ACTG2: variants seen among roughly 807,000 people sequenced by gnomAD.
ACTG2 encodes actin gamma 2, smooth muscle.
A neutral mutation model predicts 37.6 loss-of-function variants in ACTG2; 16 were observed. That is an observed-to-expected ratio of 0.43 (90% CI 0.29 to 0.65). ACTG2 has a LOEUF of 0.65. ACTG2 is among the 30% of genes least tolerant of loss of function. ACTG2 has a pLI of 0.18. For missense variants in ACTG2, 238 were observed against 490.9 expected (o/e 0.48, Z 4.87); for synonymous variants, 181 against 179.9 (o/e 1.01, Z -0.05).
At chr2:73,917,393 G>T (rs1680293038) in intron 8 of ACTG2, among the ~76,000 whole-genome samples, 1 of 152,134 alleles carries the variant, frequency 6.6e-6, no homozygotes, top group Non-Finnish European at 1.5e-5. Context: ...CTTGATTCCT[G>T]AACATCTCTG....
intron 8 of ACTG2, 120 bp from the exon 9 acceptor site, chr2:73,919,312 A>G (rs1185995881): frequency 3.4e-6 from 4 of 1,187,432 alleles, no homozygotes; most frequent in Admixed American, 2.2e-5. Context: ...ATCTATCACA[A>G]TGTTTCTCCT....
At chr2:73,906,964 A>T (rs952809813) in intron 3 of ACTG2, among the ~76,000 whole-genome samples, 1 of 152,162 alleles carries the variant, frequency 6.6e-6, no homozygotes, top group African/African-American at 2.4e-5. Context: ...TTTAAGTAGC[A>T]TGGGGTCCCC....
At chr2:73,919,268 G>T (rs1309386248) in intron 8 of ACTG2, among the ~76,000 whole-genome samples, 164 bp from the exon 9 acceptor site, 1 of 152,244 alleles carries the variant, frequency 6.6e-6, no homozygotes, top group Non-Finnish European at 1.5e-5. Flanking sequence ...AATAAGGGAA[G>T]AGGGGGGAAG....
In ACTG2 at chr2:73,902,416, C is replaced by A; in HGVS notation, c.183C>A (p.Ser61Arg). The A allele has an allele frequency of 6.2e-7, 1 of 1,614,026 alleles. No individual in the cohort carries two copies. Among genetic ancestry groups the A allele is most frequent in the Non-Finnish European group, 8.5e-7 (1 of 1,180,004 alleles). Residue 61 changes from serine to arginine, a missense_variant, in exon 3 of 9, where the codon AGC becomes AGA. Coordinates refer to ENST00000345517, the MANE Select transcript of ACTG2 (RefSeq NM_001615.4). ...GCTATGTGGGGGATGAGGCTCAGAG[C>A]AAGCGAGGGATCCTAACTCTCAAAT... ...KDSYVGDEAQ[S>R]KRGILTLKYP...
At chr2:73,906,717 A>G (rs1040979845) in intron 3 of ACTG2, among the ~76,000 whole-genome samples, 5 of 152,084 alleles carry the variant, frequency 3.3e-5, no homozygotes, top group African/African-American at 9.7e-5. Flanking sequence ...GGCTCAAGCA[A>G]TCTGCCTGTC....
Position 73,902,478 on chromosome 2 carries a change from A to T in ACTG2, c.245A>T (p.Asp82Val). The T allele has an allele frequency of 6.2e-7, 1 of 1,614,128 alleles. No individual in the cohort carries two copies. The highest frequency in any genetic ancestry group is 8.5e-7 in the Non-Finnish European group (1 of 1,180,026). ...IEHGIITNWDDMEKIWHHSFY... is the reference protein window; with the variant it reads ...IEHGIITNWDVMEKIWHHSFY... ...CACGGCATCATCACCAACTGGGATG[A>T]CATGGAGAAGGTATCTGTAGACTTC... Residue 82 changes from aspartate to valine, a missense_variant, in exon 3 of 9, where the codon GAC (aspartate) becomes GTC (valine). Asp to Val is a radical substitution (Grantham distance 152). Coordinates refer to ENST00000345517, the MANE Select transcript of ACTG2 (RefSeq NM_001615.4).
chr2:73,904,663 T>A lies in ACTG2; in HGVS notation c.255+2175T>A, dbSNP rs538037591. Among the ~76,000 whole-genome samples, 57 of 150,864 alleles carry A rather than the reference T, an allele frequency of 3.8e-4. 1 individual carries two copies. Among genetic ancestry groups the A allele is most frequent in the Admixed American group, 1.3e-3 (20 of 15,124 alleles). On this transcript the variant is annotated intron_variant, in intron 3 of 8. Transcript: ENST00000345517. The stretch of plus-strand genomic sequence containing the variant: ...ACAGAGTGAGACCCTATATATATTT[T>A]TTTTTAAAAATGTATATATGTATAA...
At chr2:73,907,829 C>G (rs1003765995) in intron 3 of ACTG2, among the ~76,000 whole-genome samples, 6 of 152,110 alleles carry the variant, frequency 3.9e-5, no homozygotes, top group Admixed American at 3.9e-4. Flanking sequence ...ACTGGTCGGC[C>G]CTCCACAACA....
At position 73,918,015 on chromosome 2, in the gene ACTG2, C is replaced by A. The variant is rs371797800; in HGVS notation, c.987+1250C>A. Among the ~76,000 whole-genome samples the A allele has an allele frequency of 2.6e-5, 4 of 152,340 alleles. No individual in the cohort carries two copies. The East Asian group carries it at 5.8e-4, about 22-fold the overall frequency. ...GATGCATTTCCCAATTCATGAGCCA[C>A]AGCTCTGACTTAAACAGTACGTGCC... On this transcript the variant is annotated intron_variant, in intron 8 of 8. Transcript: ENST00000345517.
intron 2 of ACTG2, chr2:73,901,745 G>T: frequency 2.7e-6 from 1 of 366,202 alleles, no homozygotes. Context: ...ACTATGTCTG[G>T]CTTACATTTG....
rs1450023062 is a variant in ACTG2 at position 73,919,460 on chromosome 2, C to G, written c.1016C>G (p.Ser339Ter). The change falls in exon 9 of 9, where the codon TCA (serine) becomes TGA (stop). Residue 339 changes from serine (S) to a stop codon, truncating the protein, a stop_gained. Coordinates refer to ENST00000345517, the MANE Select transcript of ACTG2 (RefSeq NM_001615.4). LOFTEE classifies it high-confidence loss of function. ...KIIAPPERKY[S>*]VWIGGSILAS... ...ATTGCTCCCCCAGAGCGGAAGTACTCAGTCTGGATCGGGGGCTCTATCCTG... is the reference window on the plus strand; with the variant it reads ...ATTGCTCCCCCAGAGCGGAAGTACTGAGTCTGGATCGGGGGCTCTATCCTG... The G allele has an allele frequency of 1.2e-6, 2 of 1,613,994 alleles. No homozygotes were observed.
Position 73,919,553 on chromosome 2 carries a change from T to C in ACTG2, c.1109T>C (p.Ile370Thr), listed in dbSNP as rs1208127280. 9 of 1,614,056 alleles carry C rather than the reference T, an allele frequency of 5.6e-6. No individual in the cohort carries two copies. The highest frequency in any genetic ancestry group is 2.2e-5 in the East Asian group (1 of 44,900). Residue 370 changes from isoleucine (I) to threonine (T), a missense_variant, in exon 9 of 9, where the codon ATT becomes ACT. Physicochemically the swap from Ile to Thr is moderately conservative, Grantham distance 89 (BLOSUM62 -1). Transcript: ENST00000345517. ...GAGTATGATGAGGCAGGGCCCTCCATTGTCCACAGGAAGTGCTTCTAAAGT... is the reference window on the plus strand; with the variant it reads ...GAGTATGATGAGGCAGGGCCCTCCACTGTCCACAGGAAGTGCTTCTAAAGT... ...KPEYDEAGPS[I>T]VHRKCF
chr2:73,915,246 G>A (rs993364637), intron 7 of ACTG2, among the ~76,000 whole-genome samples: 5 of 152,088 alleles, frequency 3.3e-5, no homozygotes, highest in East Asian at 1.9e-4. Flanking sequence ...TTGGCCAGGC[G>A]CGGTGGCTCA....
At chr2:73,916,490 A>G in intron 7 of ACTG2, 94 bp from the exon 8 acceptor site, 4 of 818,236 alleles carry the variant, frequency 4.9e-6, no homozygotes, top group South Asian at 3.3e-5. Flanking sequence ...GAACTAGGGT[A>G]GTTGCAACAA....
At chr2:73,915,101 A>G (rs1264282597) in intron 7 of ACTG2, among the ~76,000 whole-genome samples, 1 of 152,238 alleles carries the variant, frequency 6.6e-6, no homozygotes, top group Non-Finnish European at 1.5e-5. Flanking sequence ...AACAGGAAAT[A>G]TAACATGAAA....
chr2:73,907,806 G>A (rs1680045239), intron 3 of ACTG2, among the ~76,000 whole-genome samples: 1 of 152,162 alleles, frequency 6.6e-6, no homozygotes, highest in Admixed American at 6.5e-5. Context: ...TCCAGTGGGT[G>A]GAGACCAGGG....
In ACTG2 at chr2:73,916,747, C is replaced by T. The variant is rs151132409; in HGVS notation, c.969C>T (p.Pro323=). 3,201 of 1,613,938 alleles carry T rather than the reference C, an allele frequency of 2.0e-3. 8 individuals carry two copies. The highest frequency in any genetic ancestry group is 2.5e-3 in the Non-Finnish European group (2,957 of 1,179,926). ...RMQKEITALA[P]STMKIKIIAP... is the part of the protein sequence containing the mutation. The stretch of plus-strand genomic sequence containing the variant: ...AGAAGGAGATCACAGCCCTGGCCCC[C>T]AGCACCATGAAGATCAAGGTGGGTC... The change falls in exon 8 of 9, where the codon CCC becomes CCT. Residue 323 remains proline, a synonymous_variant. Coordinates refer to ENST00000345517, the MANE Select transcript of ACTG2 (RefSeq NM_001615.4).
Position 73,913,509 on chromosome 2 carries a change from G to A in ACTG2, c.476G>A (p.Gly159Asp). 6.2e-7 allele frequency: 1 copy of A among 1,611,324 alleles called. No homozygotes were observed. ...GGCATCGTCCTGGATTCAGGTGATG[G>A]CGTCACCCACAATGTCCCCATCTAT... ...TTGIVLDSGD[G>D]VTHNVPIYEG... The change falls in exon 6 of 9, where the codon GGC (glycine) becomes GAC (aspartate). Residue 159 changes from glycine (G) to aspartate (D), a missense_variant. By Grantham distance (94) the Gly-to-Asp change is moderately conservative (BLOSUM62 -1). Coordinates refer to ENST00000345517, the MANE Select transcript of ACTG2 (RefSeq NM_001615.4).
intron 1 of ACTG2, among the ~76,000 whole-genome samples, chr2:73,899,757 G>A (rs1679837829): frequency 6.6e-6 from 1 of 152,138 alleles, no homozygotes; most frequent in Non-Finnish European, 1.5e-5. Context: ...GCTTTATCAA[G>A]AGGGATATCC....
Sources: allele counts gnomAD v4.1 joint callset (sites outside exome capture counted in the v4.1 genomes callset), GRCh38; gene constraint gnomAD v4.1.1; transcripts MANE v1.5; gene names NCBI Gene and HGNC (gene_info 2026-07-23, HGNC 2026-07-21).